GPATCH2L: variants seen among roughly 807,000 people sequenced by gnomAD.
GPATCH2L encodes the protein G patch domain-containing protein 2-like.
In GPATCH2L, 31 loss-of-function variants were observed where a neutral mutation model predicts 57.4. The ratio of observed to expected loss-of-function variants is 0.54; its 90% CI spans 0.41 to 0.73. GPATCH2L has a LOEUF of 0.73. GPATCH2L is among the 30% of genes least tolerant of loss of function. The pLI is 0.00. For missense variants in GPATCH2L, 481 were observed against 599.9 expected, an observed-to-expected ratio of 0.80 and a Z score of 2.07; for synonymous variants, 199 against 210.7, an observed-to-expected ratio of 0.94 and a Z score of 0.48.
In GPATCH2L at chr14:76,209,785, A is replaced by T. The variant is rs1415280443; in HGVS notation, c.*7934A>T. Reference sequence around the variant, plus strand: ...TGGGGTTCCACTTTCATCAGATGTGACCCTGTGTGTTCCTGATGTCTTTGA... The same window carrying T: ...TGGGGTTCCACTTTCATCAGATGTGTCCCTGTGTGTTCCTGATGTCTTTGA... On this transcript the variant is annotated 3_prime_UTR_variant, in exon 10 of 10. Coordinates refer to ENST00000261530, the MANE Select transcript of GPATCH2L (RefSeq NM_017926.4). 6.6e-6 allele frequency: 1 copy of T among 152,190 alleles called. No homozygotes were observed. Among genetic ancestry groups the T allele is most frequent in the African/African-American group, 2.4e-5 (1 of 41,442 alleles). The allele number at this position is 152,190 out of a possible 1,614,324, so 9.4% of individuals were successfully genotyped here. A position where few individuals can be genotyped will look rare whatever the true frequency, so the allele number is the denominator to read the frequency against.
chr14:76,222,494 C>T (rs1374424027), intron 1 of GPATCH2L, among the ~76,000 whole-genome samples: 1 of 151,976 alleles, frequency 6.6e-6, no homozygotes, highest in Admixed American at 6.6e-5. Context: ...GTAATCCCAG[C>T]TACTCAGGAG....
chr14:76,159,351 C>T (rs2038462577), intron 2 of GPATCH2L, among the ~76,000 whole-genome samples: 1 of 152,212 alleles, frequency 6.6e-6, no homozygotes, highest in Non-Finnish European at 1.5e-5. Flanking sequence ...ATGATATTCC[C>T]TTTTCTCTTA....
intron 8 of GPATCH2L, among the ~76,000 whole-genome samples, chr14:76,190,189 T>A (rs2039915628): frequency 6.6e-6 from 1 of 151,940 alleles, no homozygotes; most frequent in Non-Finnish European, 1.5e-5. Context: ...AACACTGCAG[T>A]TTTAACAACT....
chr14:76,156,771 G>A (rs1363399041), intron 2 of GPATCH2L, among the ~76,000 whole-genome samples: 1 of 152,194 alleles, frequency 6.6e-6, no homozygotes, highest in African/African-American at 2.4e-5. Context: ...CGACATAATT[G>A]TATGTGAGAG....
At chr14:76,235,231 A>C (rs1271236581) in intron 2 of GPATCH2L, among the ~76,000 whole-genome samples, 1 of 152,190 alleles carries the variant, frequency 6.6e-6, no homozygotes, top group East Asian at 1.9e-4. Context: ...ACTATATTGA[A>C]TTGAATGACT....
chr14:76,198,296 T>TCC (rs2040217101), intron 9 of GPATCH2L, among the ~76,000 whole-genome samples: 1 of 152,136 alleles, frequency 6.6e-6, no homozygotes, highest in South Asian at 2.1e-4. Flanking sequence ...TGCAAGTGTC[T>TCC]CCCTCATGCT....
chr14:76,219,807 G>C (rs897172163), intron 1 of GPATCH2L, among the ~76,000 whole-genome samples: 3 of 152,136 alleles, frequency 2.0e-5, no homozygotes, highest in African/African-American at 7.2e-5. Flanking sequence ...GTGTCTTTTG[G>C]GAGCTGGCAA....
chr14:76,220,422 A>G (rs542058837), intron 1 of GPATCH2L, among the ~76,000 whole-genome samples: 3 of 152,346 alleles, frequency 2.0e-5, no homozygotes, highest in South Asian at 4.1e-4. Context: ...GGAACATTTC[A>G]TAGAGATAAA....
intron 9 of GPATCH2L, among the ~76,000 whole-genome samples, chr14:76,199,578 T>C (rs1057175927): frequency 6.6e-6 from 1 of 152,222 alleles, no homozygotes; most frequent in African/African-American, 2.4e-5. Context: ...AATACTGCAC[T>C]GTTCTCTGAG....
At chr14:76,196,941 A>G (rs565531469) in intron 9 of GPATCH2L, among the ~76,000 whole-genome samples, 2 of 152,246 alleles carry the variant, frequency 1.3e-5, no homozygotes, top group African/African-American at 2.4e-5. Context: ...GACAATCTTC[A>G]TTACAGGTCT....
chr14:76,161,764 G>A (rs1206213125), intron 2 of GPATCH2L, among the ~76,000 whole-genome samples: 2 of 152,190 alleles, frequency 1.3e-5, no homozygotes, highest in East Asian at 3.9e-4. Flanking sequence ...GGACGGGTGC[G>A]GTGGCTCATG....
chr14:76,214,151 A>G lies in GPATCH2L; in HGVS notation c.*12300A>G, dbSNP rs2040471480. 1 of 152,178 alleles carries G rather than the reference A, an allele frequency of 6.6e-6. No individual in the cohort carries two copies. The highest frequency in any genetic ancestry group is 2.1e-4 in the South Asian group (1 of 4,832). The allele number at this position is 152,178 out of a possible 1,614,324, so 9.4% of individuals were successfully genotyped here. ...GGTACATTGGTATTTTATTGATATT[A>G]TATGATATTAACTGATTTAGAGAGA... On this transcript the variant is annotated 3_prime_UTR_variant, in exon 10 of 10. Coordinates refer to ENST00000261530, the MANE Select transcript of GPATCH2L (RefSeq NM_017926.4).
intron 2 of GPATCH2L, among the ~76,000 whole-genome samples, chr14:76,161,677 A>C (rs1230883880): frequency 1.3e-5 from 2 of 152,202 alleles, no homozygotes; most frequent in Non-Finnish European, 2.9e-5. Flanking sequence ...AAGGGAATTA[A>C]TTTCAACAAA....
intron 8 of GPATCH2L, among the ~76,000 whole-genome samples, chr14:76,185,862 A>G (rs929006112): frequency 2.0e-5 from 3 of 152,274 alleles, no homozygotes; most frequent in Non-Finnish European, 4.4e-5. Context: ...TACTTTCTTC[A>G]TAGTCCATTG....
At chr14:76,197,660 C>T (rs957477479) in intron 9 of GPATCH2L, among the ~76,000 whole-genome samples, 3 of 152,110 alleles carry the variant, frequency 2.0e-5, no homozygotes, top group Non-Finnish European at 2.9e-5. Context: ...GATTCCACCT[C>T]TTTTATAGGA....
chr14:76,166,916 T>C (rs2038867957), intron 3 of GPATCH2L, among the ~76,000 whole-genome samples, 189 bp downstream of exon 3: 1 of 152,072 alleles, frequency 6.6e-6, no homozygotes, highest in Non-Finnish European at 1.5e-5. Context: ...CAAATAGGTC[T>C]AGAGTTGGCC....
At chr14:76,165,149 G>T (rs1300609422) in intron 2 of GPATCH2L, among the ~76,000 whole-genome samples, 1 of 152,050 alleles carries the variant, frequency 6.6e-6, no homozygotes, top group African/African-American at 2.4e-5. Context: ...ACAGTTGGAG[G>T]CCCAACTTAT....
chr14:76,186,008 CTT>C (rs1401396690), intron 8 of GPATCH2L, among the ~76,000 whole-genome samples: 1 of 152,104 alleles, frequency 6.6e-6, no homozygotes, highest in Non-Finnish European at 1.5e-5. Context: ...AATATCAATA[CTT>C]TTTAAATTGG....
At chr14:76,196,437 G>GTT (rs78248589) in intron 9 of GPATCH2L, 20,334 of 129,148 alleles carry the variant, frequency 0.16, 1,518 homozygotes, top group Middle Eastern at 0.33. Context: ...AAACTTTTCA[G>GTT]TTTTTTTTTT....
Sources: gnomAD v4.1 joint callset for allele counts (sites outside exome capture counted in the v4.1 genomes callset) on GRCh38, gnomAD v4.1.1 for gene constraint, MANE v1.5 for transcripts, NCBI Gene and HGNC (gene_info 2026-07-23, HGNC 2026-07-21) for gene names.